DCAF1: variants seen among roughly 807,000 people sequenced by gnomAD.
DCAF1 encodes DDB1- and CUL4-associated factor 1.
A neutral mutation model predicts 128.0 loss-of-function variants in DCAF1; 15 were observed. The ratio of observed to expected loss-of-function variants is 0.12; its 90% CI spans 0.08 to 0.18. The LOEUF (loss-of-function observed/expected upper bound fraction) is 0.18. Ranked by LOEUF, DCAF1 falls within the 10% of genes least tolerant of loss-of-function variation. The pLI, the probability that DCAF1 is intolerant of heterozygous loss-of-function variation, is 1.00. For missense variants in DCAF1, 988 were observed against 1,649.5 expected, an observed-to-expected ratio of 0.60 and a Z score of 6.95; for synonymous variants, 610 against 603.0, an observed-to-expected ratio of 1.01 and a Z score of -0.17.
chr3:51,448,551 A>G (rs1436249574), intron 6 of DCAF1, among the ~76,000 whole-genome samples: 2 of 152,198 alleles, frequency 1.3e-5, no homozygotes, highest in Admixed American at 6.5e-5. Context: ...TTCCGTAACT[A>G]TAATTTTTGT....
chr3:51,468,417 C>A (rs1704369844), intron 4 of DCAF1, among the ~76,000 whole-genome samples: 1 of 152,140 alleles, frequency 6.6e-6, no homozygotes, highest in Non-Finnish European at 1.5e-5. Context: ...GGTGATGTGC[C>A]CGCCTCAGCC....
At chr3:51,447,602 A>G (rs1702001924) in intron 6 of DCAF1, among the ~76,000 whole-genome samples, 1 of 152,170 alleles carries the variant, frequency 6.6e-6, no homozygotes, top group Non-Finnish European at 1.5e-5. Flanking sequence ...CATGTTATGA[A>G]GAATTTTGTT....
At chr3:51,398,861 A>G (rs2089424345) in intron 24 of DCAF1, 34 bp from the exon 25 acceptor site, 2 of 1,565,106 alleles carry the variant, frequency 1.3e-6, no homozygotes, top group Non-Finnish European at 1.7e-6. Context: ...ACAAGATTAC[A>G]CACTAGGCTT....
intron 18 of DCAF1, among the ~76,000 whole-genome samples, chr3:51,416,329 T>C (rs1698877059): frequency 6.6e-6 from 1 of 152,168 alleles, no homozygotes; most frequent in Non-Finnish European, 1.5e-5. Context: ...ATCTCGCGTT[T>C]CCTTCAAGGC....
intron 3 of DCAF1, among the ~76,000 whole-genome samples, chr3:51,472,347 A>G (rs1704851345): frequency 6.6e-6 from 1 of 151,950 alleles, no homozygotes; most frequent in Non-Finnish European, 1.5e-5. Flanking sequence ...GCTTTCTCTC[A>G]CTACAAGTGA....
chr3:51,446,532 G>A (rs1553640241), intron 6 of DCAF1, among the ~76,000 whole-genome samples: 2 of 152,150 alleles, frequency 1.3e-5, no homozygotes, highest in African/African-American at 2.4e-5. Flanking sequence ...TTGGGAGGCT[G>A]AGGCAGGAAG....
chr3:51,474,695 A>G (rs1025315686), intron 3 of DCAF1, among the ~76,000 whole-genome samples: 3 of 149,120 alleles, frequency 2.0e-5, no homozygotes, highest in Non-Finnish European at 4.4e-5. Context: ...ATCGTACCTC[A>G]CTGCAGCCTC....
At chr3:51,489,159 C>T (rs1196852786) in intron 2 of DCAF1, among the ~76,000 whole-genome samples, 1 of 152,096 alleles carries the variant, frequency 6.6e-6, no homozygotes, top group Non-Finnish European at 1.5e-5. Context: ...CTCCGCCTGG[C>T]GTGGTGGCTC....
At chr3:51,408,397 A>G (rs73078639) in intron 23 of DCAF1, among the ~76,000 whole-genome samples, 183 of 152,396 alleles carry the variant, frequency 1.2e-3, no homozygotes, top group African/African-American at 3.1e-3. Context: ...CCTGAGCCAC[A>G]TAAGTCATAT....
At chr3:51,485,052 A>C (rs1186854838) in intron 2 of DCAF1, among the ~76,000 whole-genome samples, 1 of 152,052 alleles carries the variant, frequency 6.6e-6, no homozygotes, top group Non-Finnish European at 1.5e-5. Flanking sequence ...AGTAGCTAGG[A>C]TTACAGGCAT....
chr3:51,454,863 C>T (rs1426488247), intron 6 of DCAF1, among the ~76,000 whole-genome samples: 7 of 151,448 alleles, frequency 4.6e-5, no homozygotes, highest in African/African-American at 7.3e-5. Flanking sequence ...TTAGTAGAGA[C>T]GGGGTTTCAC....
At chr3:51,424,359 C>T (rs541129444) in intron 13 of DCAF1, among the ~76,000 whole-genome samples, 3 of 150,768 alleles carry the variant, frequency 2.0e-5, no homozygotes, top group Non-Finnish European at 4.4e-5. Flanking sequence ...GAGATTGCAC[C>T]ACTACTGCAC....
At chr3:51,404,025 T>C (rs2089932214) in intron 23 of DCAF1, among the ~76,000 whole-genome samples, 1 of 152,240 alleles carries the variant, frequency 6.6e-6, no homozygotes, top group Non-Finnish European at 1.5e-5. Flanking sequence ...TTCTTTCCAT[T>C]CTTACAAGAA....
At chr3:51,477,181 A>G (rs1705568331) in intron 3 of DCAF1, among the ~76,000 whole-genome samples, 1 of 152,136 alleles carries the variant, frequency 6.6e-6, no homozygotes, top group Non-Finnish European at 1.5e-5. Flanking sequence ...AATTCAAGTT[A>G]CAAAATGACA....
rs539469325 is a variant in DCAF1, at chr3:51,427,403, T to C, written c.1816A>G (p.Ile606Val). The C allele has an allele frequency of 3.1e-5, 24 of 773,180 alleles. No individual in the cohort carries two copies. The highest frequency in any genetic ancestry group is 8.5e-5 in the African/African-American group (5 of 58,684). 47.9% of individuals were successfully genotyped at this position (773,180 alleles called of 1,614,324 possible). Residue 606 changes from isoleucine to valine, a missense_variant, in exon 13 of 25, where the codon ATT (isoleucine) becomes GTT (valine). This residue lies in a region of DCAF1 where 185 missense variants were observed against 248.1 expected (regional missense o/e 0.75). Coordinates refer to ENST00000684031, the MANE Select transcript of DCAF1 (RefSeq NM_001387579.1). ...CVQLLLQLIS[I>V]ACNWKTYYAR... ...TAATAGGTCTTCCAATTGCAGGCAA[T>C]AGAAATAAGCTGCAACAAGAGTTGC... is the stretch of plus-strand genomic sequence containing the variant.
At chr3:51,454,082 G>C (rs1553642188) in intron 6 of DCAF1, among the ~76,000 whole-genome samples, 5 of 151,876 alleles carry the variant, frequency 3.3e-5, no homozygotes. Flanking sequence ...TCACTCTCTT[G>C]TCAGGGCTGG....
intron 17 of DCAF1, 107 bp downstream of exon 17, chr3:51,418,009 C>A: frequency 7.2e-7 from 1 of 1,397,086 alleles, no homozygotes; most frequent in Non-Finnish European, 9.6e-7. Context: ...TAACAATAAC[C>A]GACAGCATCC....
At chr3:51,462,975 A>G (rs1703766185) in intron 6 of DCAF1, 139 bp downstream of exon 6, 1 of 413,050 alleles carries the variant, frequency 2.4e-6, no homozygotes, top group South Asian at 9.7e-5. Context: ...ATTGCCTGTC[A>G]GGATTTCTTA....
chr3:51,400,896 G>A (rs2089634785), intron 24 of DCAF1, among the ~76,000 whole-genome samples: 1 of 152,080 alleles, frequency 6.6e-6, no homozygotes. Context: ...ACTTTGGGAG[G>A]CCAAAGCAGG....
Sources: gnomAD v4.1 joint callset for allele counts (sites outside exome capture counted in the v4.1 genomes callset) on GRCh38, gnomAD v4.1.1 for gene constraint, gnomAD v4.1.1 regional missense constraint, MANE v1.5 for transcripts, NCBI Gene and HGNC (gene_info 2026-07-23, HGNC 2026-07-21) for gene names.